ABLIM3: variants seen among roughly 807,000 people sequenced by gnomAD.
ABLIM3 encodes actin binding LIM protein family member 3.
ABLIM3 carries 61 observed loss-of-function variants against 109.5 expected under a neutral mutation model. The ratio of observed to expected loss-of-function variants is 0.56; its 90% CI spans 0.45 to 0.69. The LOEUF is 0.69. Among genes scored for constraint, ABLIM3 ranks in the 30% least tolerant of loss-of-function variants. The pLI is 0.00. For synonymous variants in ABLIM3, 300 were observed against 324.8 expected (o/e 0.92, Z 0.82); for missense variants, 796 against 889.5 (o/e 0.89, Z 1.34).
intron 3 of ABLIM3, among the ~76,000 whole-genome samples, chr5:149,188,626 G>A (rs1046020551): frequency 2.0e-5 from 3 of 152,212 alleles, no homozygotes; most frequent in Non-Finnish European, 4.4e-5. Flanking sequence ...GGGAGAGAGG[G>A]ACAGCCAGCA....
chr5:149,152,760 G>A (rs576993458), intron 2 of ABLIM3, among the ~76,000 whole-genome samples: 2 of 152,256 alleles, frequency 1.3e-5, no homozygotes, highest in East Asian at 1.9e-4. Context: ...AACAGCATGA[G>A]CTCTGTATGG....
chr5:149,178,009 A>C (rs1050920010), intron 2 of ABLIM3, among the ~76,000 whole-genome samples: 1 of 152,012 alleles, frequency 6.6e-6, no homozygotes, highest in African/African-American at 2.4e-5. Flanking sequence ...CAGCCCAGTG[A>C]CTCCAGCATC....
chr5:149,231,595 T>C (rs1165074509), intron 9 of ABLIM3, among the ~76,000 whole-genome samples: 1 of 152,218 alleles, frequency 6.6e-6, no homozygotes, highest in Non-Finnish European at 1.5e-5. Context: ...GAAAGTTTTC[T>C]GAAAGAGCCA....
At position 149,244,890 on chromosome 5, in the gene ABLIM3, C is replaced by G; in HGVS notation, c.1361C>G (p.Ser454Cys). Residue 454 changes from serine to cysteine, a missense_variant, in exon 16 of 24, where the codon TCT (serine) becomes TGT (cysteine). By Grantham distance (112) the Ser-to-Cys change is moderately radical (BLOSUM62 -1). Transcript: ENST00000309868. The stretch of plus-strand genomic sequence containing the variant: ...CTTGGGTCCTCTGCAGGTGATTTGT[C>G]TACAGCAACCAAGAGCAAAACAAGT... Reference protein sequence around the residue: ...PPIYKRHGDLSTATKSKTSED... With the variant: ...PPIYKRHGDLCTATKSKTSED... 8.1e-6 allele frequency: 13 copies of G among 1,614,192 alleles called. No homozygotes were observed. Among genetic ancestry groups the G allele is most frequent in the Admixed American group, 3.3e-5 (2 of 60,028 alleles).
chr5:149,235,293 G>A (rs1762241947), intron 10 of ABLIM3, among the ~76,000 whole-genome samples: 1 of 152,170 alleles, frequency 6.6e-6, no homozygotes, highest in Admixed American at 6.5e-5. Flanking sequence ...CATAAAGATG[G>A]ATTTTAATTT....
chr5:149,238,759 C>T lies in ABLIM3; in HGVS notation c.1045-489C>T, dbSNP rs75527649. Among the ~76,000 whole-genome samples, 1,299 of 152,326 alleles carry T rather than the reference C, an allele frequency of 8.5e-3. 16 individuals carry two copies. The highest frequency in any genetic ancestry group is 0.029 in the African/African-American group (1,225 of 41,580). Reference sequence around the variant, plus strand: ...CCTCTTCAGTCGAGACATCCCATCTCCAGCTGCTGCACCAGCCACCAGCTC... The same window carrying T: ...CCTCTTCAGTCGAGACATCCCATCTTCAGCTGCTGCACCAGCCACCAGCTC... On this transcript the variant is annotated intron_variant, in intron 11 of 23. Transcript: ENST00000309868.
At chr5:149,184,379 T>G (rs1442402317) in intron 3 of ABLIM3, among the ~76,000 whole-genome samples, 1 of 152,202 alleles carries the variant, frequency 6.6e-6, no homozygotes, top group Non-Finnish European at 1.5e-5. Context: ...ATTTGTAACT[T>G]TTTTGTTGAT....
chr5:149,158,599 T>G (rs1440280936), intron 2 of ABLIM3, among the ~76,000 whole-genome samples: 1 of 152,208 alleles, frequency 6.6e-6, no homozygotes, highest in Non-Finnish European at 1.5e-5. Flanking sequence ...GTCCTTATAC[T>G]TGACAAGTCT....
Position 149,210,739 on chromosome 5 carries a change from T to C in ABLIM3, c.589T>C (p.Tyr197His). 2.5e-6 allele frequency: 4 copies of C among 1,614,054 alleles called. No homozygotes were observed. Among genetic ancestry groups the C allele is most frequent in the Non-Finnish European group, 3.4e-6 (4 of 1,179,934 alleles). Residue 197 changes from tyrosine (Y) to histidine (H), a missense_variant, in exon 7 of 24, where the codon TAC becomes CAC. Physicochemically the swap from Tyr to His is moderately conservative, Grantham distance 83. Transcript: ENST00000309868. ...GEYISKDGVPYCESDYHAQFG... is the reference protein window; with the variant it reads ...GEYISKDGVPHCESDYHAQFG... ...TTCTTCTTGCAGGGATGGTGTTCCA[T>C]ACTGTGAGTCCGACTACCATGCCCA...
At chr5:149,258,180 C>T in intron 23 of ABLIM3, 111 bp from the exon 24 acceptor site, 1 of 860,254 alleles carries the variant, frequency 1.2e-6, no homozygotes, top group Non-Finnish European at 1.8e-6. Context: ...CACAGGGTGC[C>T]CAGAGGGAAC....
chr5:149,218,712 G>A (rs888498253), intron 8 of ABLIM3: 2 of 152,110 alleles, frequency 1.3e-5, no homozygotes, highest in African/African-American at 4.8e-5. Flanking sequence ...TATCATTTGA[G>A]GCCCAGTTCA....
intron 2 of ABLIM3, among the ~76,000 whole-genome samples, chr5:149,145,345 G>A (rs1167912683): frequency 6.6e-6 from 1 of 152,180 alleles, no homozygotes; most frequent in Admixed American, 6.5e-5. Context: ...TGGATGCATA[G>A]TATTCCATGG....
At chr5:149,197,775 G>A (rs768712333) in intron 3 of ABLIM3, among the ~76,000 whole-genome samples, 5 of 152,182 alleles carry the variant, frequency 3.3e-5, no homozygotes, top group African/African-American at 7.2e-5. Flanking sequence ...GTGGCCTTGC[G>A]TGAGCCACAT....
At position 149,259,403 on chromosome 5, in the gene ABLIM3, C is replaced by G; in HGVS notation, c.*999C>G. ...CAACTGAACAACCAGACAGACAACTCTCATCATCCTCCAGAGAGAAAATAG... is the reference window on the plus strand; with the variant it reads ...CAACTGAACAACCAGACAGACAACTGTCATCATCCTCCAGAGAGAAAATAG... On this transcript the variant is annotated 3_prime_UTR_variant, in exon 24 of 24. Coordinates refer to ENST00000309868, the MANE Select transcript of ABLIM3 (RefSeq NM_014945.5). 1 of 1,491,932 alleles carries G rather than the reference C, an allele frequency of 6.7e-7. No individual in the cohort carries two copies. The highest frequency in any genetic ancestry group is 8.9e-7 in the Non-Finnish European group (1 of 1,123,900). 92.4% of individuals were successfully genotyped at this position (1,491,932 alleles called of 1,614,324 possible).
chr5:149,203,706 A>G (rs1758702333), intron 5 of ABLIM3, among the ~76,000 whole-genome samples: 3 of 71,622 alleles, frequency 4.2e-5, no homozygotes, highest in Non-Finnish European at 1.1e-4. Context: ...CACCACCATT[A>G]TTATTACCAC....
rs72115540 is a variant in ABLIM3 at position 149,179,296 on chromosome 5, C to CTGTT, written c.14-4130_14-4127dup. 4.2e-3 allele frequency among the ~76,000 whole-genome samples: 636 copies of CTGTT among 151,240 alleles called. 8 individuals are homozygous for CTGTT. Among genetic ancestry groups the CTGTT allele is most frequent in the Middle Eastern group, 0.01 (3 of 292 alleles). ...TTTTAATCTCAGGGGCATTAATAAG[C>CTGTT]TGTTTGTTTGTTTGTTTGTTTGTTT... On this transcript the variant is annotated intron_variant, in intron 2 of 23. Transcript: ENST00000309868.
At chr5:149,213,158 G>A (rs1385625105) in intron 7 of ABLIM3, among the ~76,000 whole-genome samples, 1 of 152,142 alleles carries the variant, frequency 6.6e-6, no homozygotes, top group Non-Finnish European at 1.5e-5. Flanking sequence ...TCAGAGCTCA[G>A]GAACAAAGCT....
intron 5 of ABLIM3, among the ~76,000 whole-genome samples, chr5:149,203,568 A>G (rs1758684453): frequency 6.6e-6 from 1 of 152,068 alleles, no homozygotes; most frequent in African/African-American, 2.4e-5. Flanking sequence ...CCTCATCACC[A>G]TTATGAACAA....
intron 8 of ABLIM3, among the ~76,000 whole-genome samples, 178 bp from the exon 9 acceptor site, chr5:149,230,470 GA>G (rs1356677138): frequency 6.6e-6 from 1 of 152,152 alleles, no homozygotes; most frequent in Non-Finnish European, 1.5e-5. Context: ...ACAGAAAAAG[GA>G]TGTGAGCGGT....
Sources: gnomAD v4.1 joint callset for allele counts (sites outside exome capture counted in the v4.1 genomes callset) on GRCh38, gnomAD v4.1.1 for gene constraint, MANE v1.5 for transcripts, NCBI Gene and HGNC (gene_info 2026-07-23, HGNC 2026-07-21) for gene names.